Variants in PICALM observed in about 807,000 individuals in gnomAD.
PICALM encodes the protein phosphatidylinositol binding clathrin assembly protein.
Under a neutral mutation model 80.5 loss-of-function variants are expected in PICALM, and 40 were observed. That is an observed-to-expected ratio of 0.50 (90% CI 0.39 to 0.65). The LOEUF (loss-of-function observed/expected upper bound fraction) is 0.65, where lower values mean the gene tolerates loss of function less well. Ranked by LOEUF, PICALM falls within the 30% of genes least tolerant of loss-of-function variation. The pLI is 0.00. For synonymous variants in PICALM, 288 were observed against 260.3 expected (o/e 1.11, Z -1.02); for missense variants, 676 against 778.9 (o/e 0.87, Z 1.57).
intron 19 of PICALM, among the ~76,000 whole-genome samples, chr11:85,962,423 T>G (rs1463474678): frequency 6.6e-6 from 1 of 152,200 alleles, no homozygotes; most frequent in Non-Finnish European, 1.5e-5. Flanking sequence ...ATCAGAAGTT[T>G]CCTATGATAG....
chr11:86,022,573 G>A (rs2095583805), intron 3 of PICALM, 104 bp from the exon 4 acceptor site: 1 of 568,790 alleles, frequency 1.8e-6, no homozygotes, highest in Non-Finnish European at 3.1e-6. Context: ...GCATCCAATG[G>A]CTATAAAATG....
At chr11:86,052,378 G>A (rs1276495100) in intron 1 of PICALM, among the ~76,000 whole-genome samples, 1 of 152,278 alleles carries the variant, frequency 6.6e-6, no homozygotes, top group South Asian at 2.1e-4. Flanking sequence ...ATAGCAGCAC[G>A]AGAATAGACT....
chr11:86,023,153 G>A (rs2095595209), intron 3 of PICALM, among the ~76,000 whole-genome samples: 1 of 152,066 alleles, frequency 6.6e-6, no homozygotes, highest in South Asian at 2.1e-4. Flanking sequence ...GTTATTACCT[G>A]GCTCAAGGAA....
At chr11:85,994,002 G>A (rs1410469553) in intron 12 of PICALM, among the ~76,000 whole-genome samples, 1 of 152,016 alleles carries the variant, frequency 6.6e-6, no homozygotes, top group African/African-American at 2.4e-5. Flanking sequence ...TTACAGGTAT[G>A]AGCCACTGCA....
At chr11:86,059,002 C>T (rs989563331) in intron 1 of PICALM, among the ~76,000 whole-genome samples, 1 of 152,214 alleles carries the variant, frequency 6.6e-6, no homozygotes, top group Non-Finnish European at 1.5e-5. Context: ...TTGGAAGACA[C>T]TACCTTGTAT....
chr11:86,038,063 T>C (rs906763123), intron 1 of PICALM, among the ~76,000 whole-genome samples: 2 of 152,236 alleles, frequency 1.3e-5, no homozygotes, highest in African/African-American at 4.8e-5. Context: ...CTTACGCCTA[T>C]AATCCCAACA....
chr11:86,064,653 A>T (rs868795374), intron 1 of PICALM, among the ~76,000 whole-genome samples: 61 of 146,922 alleles, frequency 4.2e-4, no homozygotes, highest in African/African-American at 1.4e-3. Flanking sequence ...CCTCATTTTA[A>T]AAAAAAAAAA....
chr11:86,068,925 C>T lies in PICALM; in HGVS notation c.-145G>A. The T allele has an allele frequency of 1.8e-6, 2 of 1,109,316 alleles. No individual in the cohort carries two copies. The highest frequency in any genetic ancestry group is 3.3e-5 in the South Asian group (2 of 60,938). 68.7% of individuals were successfully genotyped at this position (1,109,316 alleles called of 1,614,324 possible). A position where few individuals can be genotyped will look rare whatever the true frequency, so the allele number is the denominator to read the frequency against. ...GCCGGCCTGGGGCGCGGTTCGGGGC[C>T]GCGCGCTGCCACCAGTCCAGAGAGA... On this transcript the variant is annotated 5_prime_UTR_variant, in exon 1 of 20. Coordinates refer to ENST00000393346, the MANE Select transcript of PICALM (RefSeq NM_007166.4).
intron 3 of PICALM, among the ~76,000 whole-genome samples, chr11:86,025,432 T>A (rs1286540820): frequency 1.3e-5 from 2 of 151,898 alleles, no homozygotes; most frequent in Non-Finnish European, 1.5e-5. Flanking sequence ...GCTACGAATA[T>A]GAAGGAACAA....
At chr11:86,014,770 A>G (rs1289578310) in intron 5 of PICALM, 100 bp downstream of exon 5, 6 of 603,314 alleles carry the variant, frequency 9.9e-6, no homozygotes, top group Non-Finnish European at 1.7e-5. Flanking sequence ...GGATATCAGG[A>G]TGTGAAAAAC....
At chr11:86,067,043 A>G (rs1382272743) in intron 1 of PICALM, among the ~76,000 whole-genome samples, 1 of 152,250 alleles carries the variant, frequency 6.6e-6, no homozygotes, top group African/African-American at 2.4e-5. Context: ...ATCAAGCACT[A>G]ATGCTTTTTT....
intron 14 of PICALM, among the ~76,000 whole-genome samples, chr11:85,982,921 T>C (rs903402239): frequency 9.9e-5 from 15 of 152,148 alleles, no homozygotes; most frequent in African/African-American, 2.7e-4. Context: ...TGGGACTCAA[T>C]AGTATGATCT....
At chr11:86,020,702 T>G (rs1481407083) in intron 4 of PICALM, among the ~76,000 whole-genome samples, 1 of 152,156 alleles carries the variant, frequency 6.6e-6, no homozygotes, top group Non-Finnish European at 1.5e-5. Context: ...AAATTTGGAC[T>G]CACCTCTCAC....
intron 17 of PICALM, 72 bp from the exon 18 acceptor site, chr11:85,976,754 A>G: frequency 1.2e-6 from 1 of 860,380 alleles, no homozygotes; most frequent in Non-Finnish European, 2.0e-6. Flanking sequence ...AGGAATTAGT[A>G]GCTGTAGTTC....
chr11:86,037,971 A>G (rs1051751780), intron 1 of PICALM, among the ~76,000 whole-genome samples: 1 of 152,170 alleles, frequency 6.6e-6, no homozygotes, highest in African/African-American at 2.4e-5. Flanking sequence ...CAGAAAGGAG[A>G]GCCATGACAC....
chr11:85,973,658 A>T (rs1007392746), intron 19 of PICALM, among the ~76,000 whole-genome samples: 3 of 152,134 alleles, frequency 2.0e-5, no homozygotes, highest in Non-Finnish European at 4.4e-5. Flanking sequence ...AGAAGAGGGG[A>T]CTACCGTGCA....
At chr11:86,060,993 T>A (rs1267732071) in intron 1 of PICALM, among the ~76,000 whole-genome samples, 1 of 152,098 alleles carries the variant, frequency 6.6e-6, no homozygotes. Flanking sequence ...GTCAAGAGAA[T>A]GAAAAAGACA....
rs142924376 is a variant in PICALM at position 85,978,427 on chromosome 11, A to G, written c.1780-1745T>C. On this transcript the variant is annotated intron_variant, in intron 17 of 19. Transcript: ENST00000393346. ...GGGTTGCATCAGATGTCTACCACAG[A>G]AAAAAAGCAAGCACTAATTAAAAGA... 3.6e-3 allele frequency: 600 copies of G among 165,450 alleles called. 6 individuals are homozygous for G. The highest frequency in any genetic ancestry group is 0.011 in the East Asian group (69 of 6,378). The allele number at this position is 165,450 out of a possible 1,614,324, so 10.2% of individuals were successfully genotyped here.
intron 19 of PICALM, among the ~76,000 whole-genome samples, chr11:85,959,968 G>GA (rs1390398142): frequency 3.3e-5 from 5 of 152,040 alleles, no homozygotes; most frequent in Admixed American, 6.6e-5. Flanking sequence ...GACAAGTTCA[G>GA]AAAAATCTCT....
Sources: gnomAD v4.1 joint callset for allele counts (sites outside exome capture counted in the v4.1 genomes callset) on GRCh38, gnomAD v4.1.1 for gene constraint, MANE v1.5 for transcripts, NCBI Gene and HGNC (gene_info 2026-07-23, HGNC 2026-07-21) for gene names.